Variants in IRAK3 observed in about 807,000 individuals in gnomAD.
IRAK3 encodes interleukin-1 receptor-associated kinase 3.
In IRAK3, 57 loss-of-function variants were observed where a neutral mutation model predicts 56.6. That is an observed-to-expected ratio of 1.01 (90% CI 0.81 to 1.26). IRAK3 has a LOEUF of 1.26. Among genes scored for constraint, IRAK3 ranks in the 50% most tolerant of loss-of-function variants. The probability of loss-of-function intolerance (pLI) is 0.00; values close to 1 mark genes in which losing one functional copy is unlikely to be tolerated. For synonymous variants in IRAK3, 258 were observed against 255.7 expected, an observed-to-expected ratio of 1.01 and a Z score of -0.09; for missense variants, 703 against 719.0, an observed-to-expected ratio of 0.98 and a Z score of 0.25.
At chr12:66,189,752 A>G (rs543699713) in intron 1 of IRAK3, among the ~76,000 whole-genome samples, 1 of 152,276 alleles carries the variant, frequency 6.6e-6, no homozygotes, top group South Asian at 2.1e-4. Context: ...TTCGCAATGT[A>G]TGATGTCTTC....
intron 8 of IRAK3, among the ~76,000 whole-genome samples, chr12:66,238,308 A>G (rs1168196126): frequency 6.6e-6 from 1 of 152,222 alleles, no homozygotes; most frequent in Non-Finnish European, 1.5e-5. Flanking sequence ...TTCACCTGGC[A>G]TCAACGCCTG....
rs1384884448 is a variant in IRAK3 at position 66,234,116 on chromosome 12, G to A, written c.887+5746G>A. The A allele has an allele frequency of 3.1e-6, 5 of 1,613,996 alleles. No homozygotes were observed. In the African/African-American group the frequency reaches 4.0e-5, roughly 13 times the overall value. ...GGTATATGGAGAATGGTCATTAGAC[G>A]TCTCGACAGCCACCTGCTGTTGACC... On this transcript the variant is annotated intron_variant, in intron 8 of 11. Coordinates refer to ENST00000261233, the MANE Select transcript of IRAK3 (RefSeq NM_007199.3).
intron 8 of IRAK3, among the ~76,000 whole-genome samples, chr12:66,244,279 G>A (rs1299011808): frequency 3.9e-5 from 6 of 152,260 alleles, no homozygotes; most frequent in African/African-American, 1.4e-4. Flanking sequence ...CATAGGTCAG[G>A]TTTTTATTCT....
At chr12:66,233,968 A>T in intron 8 of IRAK3, 1 of 1,325,800 alleles carries the variant, frequency 7.5e-7, no homozygotes, top group East Asian at 2.4e-5. Context: ...GAACTTGTGC[A>T]AAATTGTCAA....
At chr12:66,206,365 G>C (rs544074450) in intron 2 of IRAK3, among the ~76,000 whole-genome samples, 9 of 152,040 alleles carry the variant, frequency 5.9e-5, no homozygotes, top group Non-Finnish European at 1.2e-4. Flanking sequence ...GTTAACTGTC[G>C]GTTTTTTGTA....
intron 1 of IRAK3, among the ~76,000 whole-genome samples, chr12:66,196,519 C>G (rs1249477184): frequency 6.6e-6 from 1 of 152,114 alleles, no homozygotes; most frequent in Non-Finnish European, 1.5e-5. Flanking sequence ...TGAATTATCT[C>G]CCAGAGGTAG....
intron 5 of IRAK3, among the ~76,000 whole-genome samples, chr12:66,215,640 G>A (rs772518645): frequency 2.0e-5 from 3 of 152,194 alleles, no homozygotes; most frequent in Non-Finnish European, 4.4e-5. Context: ...TAGTTGTTAC[G>A]AGTAAAAATA....
intron 8 of IRAK3, among the ~76,000 whole-genome samples, chr12:66,236,893 A>G (rs2052914121): frequency 6.6e-6 from 1 of 151,874 alleles, no homozygotes. Flanking sequence ...CCACCTGCCC[A>G]CTCTGGAGCA....
intron 5 of IRAK3, among the ~76,000 whole-genome samples, chr12:66,213,813 C>G: frequency 6.6e-6 from 1 of 151,908 alleles, no homozygotes; most frequent in South Asian, 2.1e-4. Flanking sequence ...GCGACTCTCT[C>G]CTCCCAGAGG....
chr12:66,220,582 G>A lies in IRAK3; in HGVS notation c.653+3347G>A, dbSNP rs561605389. On this transcript the variant is annotated intron_variant, in intron 6 of 11. Transcript: ENST00000261233. ...GTCGCCCAGGCTGGAGTGCAGTGGC[G>A]GGATCTCGGCTCACTGCAAGCTCCG... 3.1e-3 allele frequency among the ~76,000 whole-genome samples: 416 copies of A among 135,138 alleles called. 1 individual carries two copies. The highest frequency in any genetic ancestry group is 0.011 in the African/African-American group (396 of 35,492). The allele number at this position is 135,138 out of a possible 152,430, so 88.7% of individuals were successfully genotyped here.
At chr12:66,212,448 C>T (rs1821777) in intron 5 of IRAK3, among the ~76,000 whole-genome samples, 36,745 of 152,026 alleles carry the variant, frequency 0.24, 4,753 homozygotes, top group Middle Eastern at 0.36. Context: ...CACACACAAA[C>T]ACAGAAGAGC....
At position 66,252,884 on chromosome 12, in the gene IRAK3, GTTTC is replaced by G; in HGVS notation, c.*4717_*4720del. The G allele has an allele frequency of 6.6e-6, 1 of 152,368 alleles. No individual in the cohort carries two copies. Among genetic ancestry groups the G allele is most frequent in the East Asian group, 1.9e-4 (1 of 5,188 alleles). 9.4% of individuals were successfully genotyped at this position (152,368 alleles called of 1,614,324 possible). On this transcript the variant is annotated 3_prime_UTR_variant, in exon 12 of 12. Transcript: ENST00000261233. Reference sequence around the variant, plus strand: ...GATTCTATTCTTCTATTGGTATGTGGTTTCTTTGGGGCATTTGTTTGGATACTGA... The same window carrying G: ...GATTCTATTCTTCTATTGGTATGTGGTTTGGGGCATTTGTTTGGATACTGA...
At chr12:66,238,222 A>G (rs924122847) in intron 8 of IRAK3, among the ~76,000 whole-genome samples, 2 of 152,252 alleles carry the variant, frequency 1.3e-5, no homozygotes, top group Non-Finnish European at 2.9e-5. Flanking sequence ...TCCTGACTGC[A>G]TAGTAAGTAC....
intron 4 of IRAK3, among the ~76,000 whole-genome samples, chr12:66,210,843 C>T (rs1474435628): frequency 1.3e-5 from 2 of 152,138 alleles, no homozygotes; most frequent in African/African-American, 4.8e-5. Flanking sequence ...TTTGTATTAG[C>T]TATGGAAATA....
Position 66,209,493 on chromosome 12 carries a change from A to G in IRAK3, c.354A>G (p.Glu118=), listed in dbSNP as rs773300321. ...GTCCTTCAGAGAAGAGTTATCAGGA[A>G]GGTGGATTTCCAAATATATTATTCA... is the stretch of plus-strand genomic sequence containing the variant. ...VLSPSEKSYQ[E]GGFPNILFKE... The change falls in exon 3 of 12, where the codon GAA becomes GAG. Residue 118 remains glutamate (E), a synonymous_variant. Transcript: ENST00000261233. The G allele has an allele frequency of 5.0e-6, 8 of 1,603,800 alleles. No individual in the cohort carries two copies. Among genetic ancestry groups the G allele is most frequent in the Non-Finnish European group, 6.8e-6 (8 of 1,170,838 alleles).
chr12:66,225,808 T>C (rs2052779785), intron 6 of IRAK3, among the ~76,000 whole-genome samples: 1 of 151,928 alleles, frequency 6.6e-6, no homozygotes, highest in Admixed American at 6.6e-5. Flanking sequence ...TTAAAATCAA[T>C]GGTATGTTCT....
At chr12:66,193,082 A>C (rs772403485) in intron 1 of IRAK3, among the ~76,000 whole-genome samples, 6 of 151,916 alleles carry the variant, frequency 3.9e-5, no homozygotes, top group Non-Finnish European at 8.8e-5. Flanking sequence ...ATCTCAGTTT[A>C]CCGCAACCTC....
At chr12:66,241,011 G>A (rs895675181) in intron 8 of IRAK3, among the ~76,000 whole-genome samples, 2 of 151,974 alleles carry the variant, frequency 1.3e-5, no homozygotes, top group Non-Finnish European at 2.9e-5. Flanking sequence ...AACTTAATTA[G>A]GAGATAAACT....
intron 5 of IRAK3, among the ~76,000 whole-genome samples, chr12:66,212,110 CAAAA>C (rs11405352): frequency 1.5e-5 from 2 of 136,652 alleles, no homozygotes; most frequent in Non-Finnish European, 1.6e-5. Flanking sequence ...GACACCACCT[CAAAA>C]AAAAAAAAAA....
Sources: allele counts gnomAD v4.1 joint callset (sites outside exome capture counted in the v4.1 genomes callset), GRCh38; gene constraint gnomAD v4.1.1; transcripts MANE v1.5; gene names NCBI Gene and HGNC (gene_info 2026-07-23, HGNC 2026-07-21).